CRTAP: variants seen among roughly 807,000 people sequenced by gnomAD.
CRTAP encodes cartilage-associated protein.
CRTAP carries 33 observed loss-of-function variants against 42.7 expected under a neutral mutation model. That is an observed-to-expected ratio of 0.77 (90% CI 0.59 to 1.03). CRTAP has a LOEUF of 1.03. Among genes scored for constraint, CRTAP ranks in the 50% least tolerant of loss-of-function variants. CRTAP has a pLI of 0.00. For missense variants in CRTAP, 613 were observed against 533.9 expected (o/e 1.15, Z -1.46); for synonymous variants, 243 against 217.7 (o/e 1.12, Z -1.02).
intron 6 of CRTAP, among the ~76,000 whole-genome samples, chr3:33,137,717 C>T (rs2030462892): frequency 6.6e-6 from 1 of 152,156 alleles, no homozygotes; most frequent in Admixed American, 6.5e-5. Flanking sequence ...TTCAATTTAT[C>T]TGTTCTTTCT....
chr3:33,146,672 A>G lies in CRTAP; in HGVS notation c.*4224A>G, dbSNP rs2030732412. 2 of 152,226 alleles carry G rather than the reference A, an allele frequency of 1.3e-5. No individual in the cohort carries two copies. Among genetic ancestry groups the G allele is most frequent in the South Asian group, 4.1e-4 (2 of 4,832 alleles). The allele number at this position is 152,226 out of a possible 1,614,324, so 9.4% of individuals were successfully genotyped here. ...ACCACAAGGGCTGCCTTAGGAAGGA[A>G]ATGTGTGCTTTCAGGAGTTCTTATT... On this transcript the variant is annotated 3_prime_UTR_variant, in exon 7 of 7. Coordinates refer to ENST00000320954, the MANE Select transcript of CRTAP (RefSeq NM_006371.5).
intron 3 of CRTAP, among the ~76,000 whole-genome samples, 174 bp downstream of exon 3, chr3:33,124,753 G>T (rs1460770412): frequency 6.6e-6 from 1 of 152,194 alleles, no homozygotes; most frequent in African/African-American, 2.4e-5. Flanking sequence ...CTTTGACTTG[G>T]CAGGGGCTTC....
chr3:33,130,010 C>T lies in CRTAP; in HGVS notation c.865C>T (p.Pro289Ser). Residue 289 changes from proline to serine, a missense_variant, in exon 4 of 7, where the codon CCG becomes TCG. Pro to Ser is a moderately conservative substitution (Grantham distance 74). Coordinates refer to ENST00000320954, the MANE Select transcript of CRTAP (RefSeq NM_006371.5). ...CCTCACCCCAGTTATAGGAGGCTAT[C>T]CGGTTGAGAAATTTGTGGCTACCAT... is the stretch of plus-strand genomic sequence containing the variant. ...ENLTPVIGGY[P>S]VEKFVATMYH... 6.2e-7 allele frequency: 1 copy of T among 1,613,450 alleles called. No individual in the cohort carries two copies. The highest frequency in any genetic ancestry group is 8.5e-7 in the Non-Finnish European group (1 of 1,179,408).
chr3:33,114,270 G>T lies in CRTAP; in HGVS notation c.193G>T (p.Gly65Cys). The change falls in exon 1 of 7, where the codon GGC becomes TGC. Residue 65 changes from glycine (G) to cysteine (C), a missense_variant. By Grantham distance (159) the Gly-to-Cys change is radical. Transcript: ENST00000320954. Reference protein sequence around the residue: ...YSGEHWAESVGYLEISLRLHR... With the variant: ...YSGEHWAESVCYLEISLRLHR... ...CGGCGAGCACTGGGCCGAGAGCGTG[G>T]GCTACCTGGAGATCAGCCTGCGGCT... 1 of 1,581,990 alleles carries T rather than the reference G, an allele frequency of 6.3e-7. No individual in the cohort carries two copies. Among genetic ancestry groups the T allele is most frequent in the African/African-American group, 1.4e-5 (1 of 73,498 alleles).
chr3:33,137,937 T>G (rs2030469404), intron 6 of CRTAP, among the ~76,000 whole-genome samples: 1 of 152,224 alleles, frequency 6.6e-6, no homozygotes, highest in Non-Finnish European at 1.5e-5. Flanking sequence ...GTTACAGCAC[T>G]ATTTGTTGAA....
At chr3:33,135,096 C>G (rs1470119554) in intron 6 of CRTAP, among the ~76,000 whole-genome samples, 1 of 152,206 alleles carries the variant, frequency 6.6e-6, no homozygotes, top group Non-Finnish European at 1.5e-5. Context: ...AGTCTCAGTT[C>G]TTTATCTATA....
At chr3:33,131,601 G>A (rs2030265041) in intron 4 of CRTAP, among the ~76,000 whole-genome samples, 2 of 152,136 alleles carry the variant, frequency 1.3e-5, no homozygotes. Context: ...CAGGAAATCT[G>A]CTTTCGGGGA....
chr3:33,114,598 C>T (rs905266269), intron 1 of CRTAP, 50 bp downstream of exon 1: 4 of 1,518,638 alleles, frequency 2.6e-6, no homozygotes, highest in Non-Finnish European at 3.6e-6. Context: ...CCTGACCCAG[C>T]CTCCAGGCCC....
At chr3:33,124,383 T>C in intron 2 of CRTAP, 25 bp from the exon 3 acceptor site, 1 of 1,613,494 alleles carries the variant, frequency 6.2e-7, no homozygotes, top group Non-Finnish European at 8.5e-7. Context: ...AGAGCGAGCT[T>C]CACTGGCTTC....
intron 1 of CRTAP, among the ~76,000 whole-genome samples, chr3:33,117,602 C>T (rs779504260): frequency 2.4e-4 from 37 of 152,244 alleles, no homozygotes; most frequent in Non-Finnish European, 5.3e-4. Context: ...GGACAGAGAA[C>T]ACTGACTCAC....
chr3:33,135,204 A>T (rs1375868140), intron 6 of CRTAP, among the ~76,000 whole-genome samples: 2 of 152,198 alleles, frequency 1.3e-5, no homozygotes, highest in Non-Finnish European at 2.9e-5. Flanking sequence ...TGCAATGCCT[A>T]TGTCTTGGTT....
chr3:33,121,376 C>G (rs1002486159), intron 2 of CRTAP, among the ~76,000 whole-genome samples: 1 of 150,262 alleles, frequency 6.7e-6, no homozygotes, highest in African/African-American at 2.5e-5. Context: ...TGCGCCACTG[C>G]ACTCCAGCCT....
In CRTAP at chr3:33,120,324, T is replaced by C. The variant is rs546802388; in HGVS notation, c.472-20T>C. ...CACTTAGCATCCATGGAGTAGCTTTTATGTTCTTTGTCCTTTTAGGCAAAT... is the reference window on the plus strand; with the variant it reads ...CACTTAGCATCCATGGAGTAGCTTTCATGTTCTTTGTCCTTTTAGGCAAAT... On this transcript the variant is annotated intron_variant, in intron 1 of 6. Transcript: ENST00000320954. The C allele has an allele frequency of 6.2e-7, 1 of 1,611,230 alleles. No homozygotes were observed. Among genetic ancestry groups the C allele is most frequent in the South Asian group, 1.1e-5 (1 of 91,034 alleles).
intron 6 of CRTAP, among the ~76,000 whole-genome samples, chr3:33,142,128 G>A (rs1042642718): frequency 6.6e-6 from 1 of 152,190 alleles, no homozygotes; most frequent in African/African-American, 2.4e-5. Flanking sequence ...GGGCCACTTA[G>A]TAGAGCTGTT....
At position 33,124,539 on chromosome 3, in the gene CRTAP, G is replaced by A. The variant is rs1324552890; in HGVS notation, c.753G>A (p.Arg251=). ...GTCTCGCAGCCTGCGAGGGTTCCAG[G>A]GAGATCAAGGACTTCAAGGATTTCT... ...YECLAACEGS[R]EIKDFKDFYL... The change falls in exon 3 of 7, where the codon AGG becomes AGA. Residue 251 remains arginine, a synonymous_variant. Transcript: ENST00000320954. 1.9e-6 allele frequency: 3 copies of A among 1,614,052 alleles called. No homozygotes were observed. The highest frequency in any genetic ancestry group is 2.2e-5 in the East Asian group (1 of 44,896).
intron 1 of CRTAP, among the ~76,000 whole-genome samples, chr3:33,117,418 C>T (rs1701355282): frequency 6.6e-6 from 1 of 152,180 alleles, no homozygotes; most frequent in Non-Finnish European, 1.5e-5. Context: ...TGTGCAGCCT[C>T]AGGTGCATCA....
intron 6 of CRTAP, among the ~76,000 whole-genome samples, chr3:33,138,613 G>T (rs764231028): frequency 6.6e-6 from 1 of 152,134 alleles, no homozygotes; most frequent in Non-Finnish European, 1.5e-5. Context: ...TATTGATTCT[G>T]CAAACTTGCT....
Position 33,142,537 on chromosome 3 carries a change from A to T in CRTAP, c.*89A>T. ...CAACAGCCCAGGCTGTTGATACCTC[A>T]GAGCCTTCTCTTTACTCTCCAAAGT... On this transcript the variant is annotated 3_prime_UTR_variant, in exon 7 of 7. Transcript: ENST00000320954. 7.9e-7 allele frequency: 1 copy of T among 1,265,274 alleles called. No individual in the cohort carries two copies. Among genetic ancestry groups the T allele is most frequent in the Middle Eastern group, 1.9e-4 (1 of 5,250 alleles). The allele number at this position is 1,265,274 out of a possible 1,614,324, so 78.4% of individuals were successfully genotyped here. A position where few individuals can be genotyped will look rare whatever the true frequency, so the allele number is the denominator to read the frequency against.
At chr3:33,122,163 T>G (rs1423904431) in intron 2 of CRTAP, among the ~76,000 whole-genome samples, 1 of 152,146 alleles carries the variant, frequency 6.6e-6, no homozygotes. Context: ...GTCAGTGCCC[T>G]GGGCTTATCT....
Sources: gnomAD v4.1 joint callset for allele counts (sites outside exome capture counted in the v4.1 genomes callset) on GRCh38, gnomAD v4.1.1 for gene constraint, MANE v1.5 for transcripts, NCBI Gene and HGNC (gene_info 2026-07-23, HGNC 2026-07-21) for gene names.